The following RAD51B variants were observed in gnomAD, a reference collection of about 807,000 sequenced individuals.
The protein encoded by RAD51B is RAD51 paralog B, also known as DNA repair protein RAD51 homolog 2.
A neutral mutation model predicts 42.2 loss-of-function variants in RAD51B; 38 were observed. The observed-to-expected ratio is 0.90, with a 90% CI of 0.70 to 1.18. RAD51B has a LOEUF of 1.18. Ranked by LOEUF, RAD51B falls within the 50% of genes most tolerant of loss-of-function variation. The probability of loss-of-function intolerance (pLI) is 0.00; values close to 1 mark genes in which losing one functional copy is unlikely to be tolerated. For missense variants in RAD51B, 373 were observed against 400.7 expected (o/e 0.93, Z 0.59); for synonymous variants, 154 against 145.2 (o/e 1.06, Z -0.43).
chr14:68,271,047 C>T (rs961166760), intron 7 of RAD51B, among the ~76,000 whole-genome samples: 4 of 152,196 alleles, frequency 2.6e-5, no homozygotes, highest in Non-Finnish European at 4.4e-5. Flanking sequence ...AAGCCTCTGT[C>T]GCCCATTTTG....
At chr14:68,035,210 C>G (rs2076102762) in intron 7 of RAD51B, among the ~76,000 whole-genome samples, 1 of 152,072 alleles carries the variant, frequency 6.6e-6, no homozygotes, top group African/African-American at 2.4e-5. Flanking sequence ...TTTTCTTTCT[C>G]TTTTTAAAAA....
At chr14:68,167,707 A>G (rs2078782187) in intron 7 of RAD51B, among the ~76,000 whole-genome samples, 1 of 152,106 alleles carries the variant, frequency 6.6e-6, no homozygotes, top group South Asian at 2.1e-4. Context: ...GGACAACAGG[A>G]ATACTCCTGT....
At chr14:68,419,441 AT>A (rs1468581633) in intron 9 of RAD51B, among the ~76,000 whole-genome samples, 1 of 151,530 alleles carries the variant, frequency 6.6e-6, no homozygotes, top group Non-Finnish European at 1.5e-5. Context: ...AAAAAAAAAA[AT>A]TTAAGCACCA....
chr14:68,434,521 A>G (rs530671397), intron 9 of RAD51B, among the ~76,000 whole-genome samples: 3 of 152,200 alleles, frequency 2.0e-5, no homozygotes, highest in Non-Finnish European at 4.4e-5. Flanking sequence ...GCGAGGCTCC[A>G]TGGGCATGGG....
intron 7 of RAD51B, among the ~76,000 whole-genome samples, chr14:68,030,168 A>G (rs1172227307): frequency 6.6e-6 from 1 of 152,188 alleles, no homozygotes; most frequent in Admixed American, 6.5e-5. Flanking sequence ...ACAAATGAGC[A>G]TTGGTTTCAA....
intron 9 of RAD51B, among the ~76,000 whole-genome samples, chr14:68,464,213 T>TA (rs2085918520): frequency 6.6e-6 from 1 of 152,202 alleles, no homozygotes; most frequent in South Asian, 2.1e-4. Flanking sequence ...TGTCTTCTGT[T>TA]ACCTTCCCAT....
At chr14:67,830,775 A>T (rs2041009001) in intron 3 of RAD51B, among the ~76,000 whole-genome samples, 1 of 152,012 alleles carries the variant, frequency 6.6e-6, no homozygotes, top group African/African-American at 2.4e-5. Context: ...GTCAGAGATG[A>T]TTCTCTGACT....
intron 11 of RAD51B, among the ~76,000 whole-genome samples, chr14:68,661,366 C>A (rs556778278): frequency 6.6e-6 from 1 of 152,120 alleles, no homozygotes; most frequent in Middle Eastern, 3.2e-3. Context: ...TGTTGCTGCA[C>A]GCGCTGGAAT....
chr14:68,507,277 G>T (rs1885400701), intron 10 of RAD51B, among the ~76,000 whole-genome samples: 3 of 152,162 alleles, frequency 2.0e-5, no homozygotes, highest in Non-Finnish European at 4.4e-5. Context: ...GGCAGCTCGG[G>T]TGTCCTCGTG....
At chr14:68,340,953 G>A (rs189562569) in intron 8 of RAD51B, among the ~76,000 whole-genome samples, 1 of 152,364 alleles carries the variant, frequency 6.6e-6, no homozygotes, top group East Asian at 1.9e-4. Flanking sequence ...GGGAAATAGA[G>A]TTCATTACAA....
At chr14:68,250,856 A>G (rs1354401311) in intron 7 of RAD51B, among the ~76,000 whole-genome samples, 2 of 152,364 alleles carry the variant, frequency 1.3e-5, no homozygotes, top group East Asian at 3.9e-4. Flanking sequence ...GCCCCAGTGC[A>G]GCAGCAGTGA....
intron 7 of RAD51B, among the ~76,000 whole-genome samples, chr14:68,226,445 C>A (rs1481874905): frequency 6.6e-6 from 1 of 152,112 alleles, no homozygotes; most frequent in Non-Finnish European, 1.5e-5. Flanking sequence ...ATAATTCCCA[C>A]GTGTTGTGAG....
At chr14:67,914,633 TGAG>T (rs1288272690) in intron 7 of RAD51B, among the ~76,000 whole-genome samples, 1 of 152,222 alleles carries the variant, frequency 6.6e-6, no homozygotes, top group Non-Finnish European at 1.5e-5. Flanking sequence ...TTCATTGCAC[TGAG>T]GTTAGAGAGG....
intron 10 of RAD51B, among the ~76,000 whole-genome samples, chr14:68,628,915 T>C (rs1892159895): frequency 6.6e-6 from 1 of 152,112 alleles, no homozygotes; most frequent in African/African-American, 2.4e-5. Context: ...GCCATCGCTG[T>C]ACATATTTAG....
chr14:68,057,821 T>TTGTGTGTGTGTG (rs140213534), intron 7 of RAD51B, among the ~76,000 whole-genome samples: 2,275 of 138,622 alleles, frequency 0.016, 64 homozygotes, highest in African/African-American at 0.056. Context: ...TTTTAGTTCT[T>TTGTGTGTGTGTG]TGTGTGTGTG....
intron 10 of RAD51B, among the ~76,000 whole-genome samples, chr14:68,483,185 T>A (rs1376182016): frequency 6.6e-6 from 1 of 152,216 alleles, no homozygotes; most frequent in Non-Finnish European, 1.5e-5. Context: ...ACTTCCTCCA[T>A]GTTCTGAAGG....
intron 7 of RAD51B, among the ~76,000 whole-genome samples, chr14:68,252,744 T>C (rs1477799105): frequency 6.6e-6 from 1 of 152,178 alleles, no homozygotes; most frequent in Admixed American, 6.5e-5. Context: ...TTTCAAGCAA[T>C]GTTTCACTAT....
chr14:68,669,130 G>A (rs771248623), intron 11 of RAD51B, among the ~76,000 whole-genome samples: 1 of 152,218 alleles, frequency 6.6e-6, no homozygotes, highest in Non-Finnish European at 1.5e-5. Flanking sequence ...ATGACCCATG[G>A]ATGTGGGTGG....
intron 7 of RAD51B, among the ~76,000 whole-genome samples, chr14:67,963,125 G>A (rs1434514101): frequency 6.6e-6 from 1 of 151,852 alleles, no homozygotes; most frequent in Non-Finnish European, 1.5e-5. Flanking sequence ...AATTAGAATT[G>A]ATATTTTTTA....
Sources: allele counts gnomAD v4.1 joint callset (sites outside exome capture counted in the v4.1 genomes callset), GRCh38; gene constraint gnomAD v4.1.1; transcripts MANE v1.5; gene names NCBI Gene and HGNC (gene_info 2026-07-23, HGNC 2026-07-21).